CAPRIN2: variants seen among roughly 807,000 people sequenced by gnomAD.
CAPRIN2 encodes the protein caprin-2.
A neutral mutation model predicts 130.4 loss-of-function variants in CAPRIN2; 66 were observed. The ratio of observed to expected loss-of-function variants is 0.51; its 90% CI spans 0.42 to 0.62. The LOEUF (loss-of-function observed/expected upper bound fraction) is 0.62. CAPRIN2 is among the 20% of genes least tolerant of loss of function. The pLI is 0.00. For synonymous variants in CAPRIN2, 471 were observed against 444.1 expected (o/e 1.06, Z -0.76); for missense variants, 1,185 against 1,246.6 (o/e 0.95, Z 0.74).
At chr12:30,725,005 A>G (rs765914082) in intron 9 of CAPRIN2, among the ~76,000 whole-genome samples, 4 of 152,138 alleles carry the variant, frequency 2.6e-5, no homozygotes, top group Non-Finnish European at 5.9e-5. Flanking sequence ...TAAACAAAAC[A>G]AAACAAAAGC....
intron 15 of CAPRIN2, 74 bp from the exon 18 acceptor site, chr12:30,711,703 G>A (rs775858740): frequency 2.9e-5 from 36 of 1,228,882 alleles, no homozygotes; most frequent in Middle Eastern, 3.7e-4. Context: ...CAGGACTACC[G>A]GCTGGCAAAT....
At chr12:30,709,825 A>G in exon 17 of CAPRIN2, 1 of 1,484,482 alleles carries the variant, frequency 6.7e-7, no homozygotes, top group Non-Finnish European at 9.1e-7. Flanking sequence ...CCAATCAGTC[A>G]TGAGGGCAAA....
rs752219767 is a variant in CAPRIN2, at chr12:30,716,502, T to A, written c.2317+6A>T. The A allele has an allele frequency of 1.2e-6, 2 of 1,612,694 alleles. No homozygotes were observed. The highest frequency in any genetic ancestry group is 1.7e-6 in the Non-Finnish European group (2 of 1,178,884). ...GTCTTCCAAATATCATATGCAAAGA[T>A]CTTACCAGTCTCTTGAGAATGGACA... On this transcript the variant is annotated splice_donor_region_variant and intron_variant, in intron 13 of 16. Transcript: ENST00000298892.
At chr12:30,744,483 C>T (rs2068966248) in intron 2 of CAPRIN2, among the ~76,000 whole-genome samples, 1 of 152,124 alleles carries the variant, frequency 6.6e-6, no homozygotes, top group Admixed American at 6.6e-5. Context: ...TTGTAAAAAA[C>T]CAAAAATCTG....
At chr12:30,744,245 A>ACCTACACT (rs2068816440) in intron 2 of CAPRIN2, among the ~76,000 whole-genome samples, 1 of 152,194 alleles carries the variant, frequency 6.6e-6, no homozygotes, top group South Asian at 2.1e-4. Context: ...CACTACAGGC[A>ACCTACACT]ACTCTTTTCT....
chr12:30,729,266 T>C (rs748615299), exon 8 of CAPRIN2: 1 of 1,606,582 alleles, frequency 6.2e-7, no homozygotes, highest in South Asian at 1.1e-5. Flanking sequence ...CTTCCCAAGG[T>C]TGCTCTTCGC....
At chr12:30,714,348 A>G (rs1044113131) in intron 14 of CAPRIN2, among the ~76,000 whole-genome samples, 21 of 152,134 alleles carry the variant, frequency 1.4e-4, no homozygotes, top group East Asian at 7.7e-4. Flanking sequence ...TGCCCAGCTA[A>G]TATTTTTTAA....
intron 5 of CAPRIN2, among the ~76,000 whole-genome samples, chr12:30,732,750 T>C (rs1010869546): frequency 6.6e-6 from 1 of 152,102 alleles, no homozygotes; most frequent in Non-Finnish European, 1.5e-5. Flanking sequence ...GGTGAGTAGA[T>C]TCCACTGCAT....
At chr12:30,726,065 A>T in exon 9 of CAPRIN2, 2 of 1,581,452 alleles carry the variant, frequency 1.3e-6, no homozygotes, top group Middle Eastern at 1.7e-4. Context: ...AAGAACCTAC[A>T]GGCTGATGCA....
At chr12:30,753,317 C>T (rs1396666516) in intron 1 of CAPRIN2, 27 bp downstream of exon 2, 2 of 1,569,806 alleles carry the variant, frequency 1.3e-6, no homozygotes, top group Non-Finnish European at 1.7e-6. Flanking sequence ...GATCATGCAT[C>T]TACAGGACTG....
intron 9 of CAPRIN2, among the ~76,000 whole-genome samples, chr12:30,725,353 G>A (rs2060586954): frequency 6.6e-6 from 1 of 152,108 alleles, no homozygotes; most frequent in African/African-American, 2.4e-5. Context: ...AAGTGTTGGA[G>A]GTTAAATAAA....
Position 30,714,958 on chromosome 12 carries a change from C to T in CAPRIN2, c.2500+1G>A, listed in dbSNP as rs2056942251. On this transcript the variant is annotated splice_donor_variant, in intron 14 of 16. Coordinates refer to ENST00000298892, the Ensembl canonical transcript of CAPRIN2. LOFTEE classifies it high-confidence loss of function. ...ATAATTCAATTTTATTCAGGGCATA[C>T]CTTTATAACCACCAGGGGACCGATA... is the stretch of plus-strand genomic sequence containing the variant. The T allele has an allele frequency of 3.7e-6, 6 of 1,612,004 alleles. No homozygotes were observed. The highest frequency in any genetic ancestry group is 5.1e-6 in the Non-Finnish European group (6 of 1,178,228).
chr12:30,737,896 C>T (rs981774716), intron 3 of CAPRIN2, among the ~76,000 whole-genome samples: 1 of 152,034 alleles, frequency 6.6e-6, no homozygotes, highest in South Asian at 2.1e-4. Flanking sequence ...CGCGCCTGGC[C>T]GATAAAATTG....
intron 2 of CAPRIN2, among the ~76,000 whole-genome samples, chr12:30,750,793 T>A (rs1006331846): frequency 1.3e-5 from 2 of 152,180 alleles, no homozygotes; most frequent in Non-Finnish European, 2.9e-5. Context: ...CACATAAGTT[T>A]AACTTAAATC....
chr12:30,746,699 T>C (rs569178206), intron 2 of CAPRIN2, among the ~76,000 whole-genome samples: 1 of 152,334 alleles, frequency 6.6e-6, no homozygotes, highest in South Asian at 2.1e-4. Flanking sequence ...AACTCTCTTT[T>C]ATTCTGTGAA....
At chr12:30,720,950 C>G (rs576115546) in intron 11 of CAPRIN2, 35 bp from the exon 13 acceptor site, 4 of 1,436,588 alleles carry the variant, frequency 2.8e-6, no homozygotes, top group Admixed American at 1.7e-5. Flanking sequence ...TTGTAAAAGG[C>G]ACATTTTGTT....
intron 2 of CAPRIN2, among the ~76,000 whole-genome samples, chr12:30,745,639 A>G (rs2069729510): frequency 6.6e-6 from 1 of 152,174 alleles, no homozygotes; most frequent in Non-Finnish European, 1.5e-5. Flanking sequence ...ATACAACTGA[A>G]CCAGTGCTTG....
At chr12:30,750,484 G>A (rs4931365) in intron 2 of CAPRIN2, among the ~76,000 whole-genome samples, 3,963 of 151,324 alleles carry the variant, frequency 0.026, 459 homozygotes, top group Admixed American at 0.22. Flanking sequence ...GTATATCATT[G>A]AGAAGTTAAC....
chr12:30,749,763 G>A (rs2072779396), intron 2 of CAPRIN2, among the ~76,000 whole-genome samples: 1 of 152,186 alleles, frequency 6.6e-6, no homozygotes, highest in African/African-American at 2.4e-5. Context: ...GGACTGATCT[G>A]TTGGCAATAT....
Sources: gnomAD v4.1 joint callset for allele counts (sites outside exome capture counted in the v4.1 genomes callset) on GRCh38, gnomAD v4.1.1 for gene constraint, MANE v1.5 for transcripts, NCBI Gene and HGNC (gene_info 2026-07-23, HGNC 2026-07-21) for gene names.